PDK1: variants seen among roughly 807,000 people sequenced by gnomAD.
PDK1 encodes the protein pyruvate dehydrogenase kinase 1, also known as [Pyruvate dehydrogenase (acetyl-transferring)] kinase isozyme 1, mitochondrial.
In PDK1, 39 loss-of-function variants were observed where a neutral mutation model predicts 54.2. The observed-to-expected ratio is 0.72, with a 90% confidence interval of 0.56 to 0.94. The LOEUF (loss-of-function observed/expected upper bound fraction) is 0.94, where lower values mean the gene tolerates loss of function less well. PDK1 is among the 40% of genes least tolerant of loss of function. The pLI is 0.00. For synonymous variants in PDK1, 221 were observed against 207.1 expected (o/e 1.07, Z -0.58); for missense variants, 552 against 566.0 (o/e 0.98, Z 0.25).
intron 8 of PDK1, among the ~76,000 whole-genome samples, chr2:172,582,417 G>A (rs1458359634): frequency 6.6e-6 from 1 of 152,184 alleles, no homozygotes; most frequent in Non-Finnish European, 1.5e-5. Flanking sequence ...AACCTAGGGA[G>A]CCTAGTGTTA....
chr2:172,674,628 T>A, the PDK1 span: 2 of 152,328 alleles, frequency 1.3e-5, no homozygotes, highest in Non-Finnish European at 2.9e-5. Flanking sequence ...GCAGGTTCCT[T>A]TCCATCAGAA....
At chr2:172,682,721 G>A in the PDK1 span, among the ~76,000 whole-genome samples, 1 of 152,142 alleles carries the variant, frequency 6.6e-6, no homozygotes, top group Admixed American at 6.5e-5. Context: ...GAGATTTGGA[G>A]GTACTTTTGT....
the PDK1 span, among the ~76,000 whole-genome samples, chr2:172,623,619 C>A: frequency 6.6e-6 from 1 of 152,130 alleles, no homozygotes; most frequent in African/African-American, 2.4e-5. Context: ...TTTGCTAGGG[C>A]AGATTGTTTT....
At chr2:172,719,547 C>G in the PDK1 span, among the ~76,000 whole-genome samples, 1 of 152,120 alleles carries the variant, frequency 6.6e-6, no homozygotes, top group African/African-American at 2.4e-5. Context: ...TATTTGGTGT[C>G]ATACATAAGA....
At chr2:172,584,838 T>G (rs1276827208) in intron 8 of PDK1, among the ~76,000 whole-genome samples, 4 of 148,884 alleles carry the variant, frequency 2.7e-5, no homozygotes, top group Admixed American at 6.7e-5. Flanking sequence ...AAGTTTTTTT[T>G]TTTTTTTTTT....
At chr2:172,668,825 A>G in the PDK1 span, among the ~76,000 whole-genome samples, 2 of 147,512 alleles carry the variant, frequency 1.4e-5, no homozygotes, top group Admixed American at 1.4e-4. Flanking sequence ...ATATATATAC[A>G]CACATATGTA....
chr2:172,656,598 T>C, the PDK1 span, among the ~76,000 whole-genome samples: 7 of 152,306 alleles, frequency 4.6e-5, no homozygotes, highest in East Asian at 1.4e-3. Context: ...ACAAAGCCTC[T>C]AGTATATTGC....
At chr2:172,556,042 G>A, upstream of PDK1, 2 of 819,800 alleles carry the variant, frequency 2.4e-6, no homozygotes, top group Non-Finnish European at 3.4e-6. Flanking sequence ...GGCCGCGCCG[G>A]TGACAGCCGA....
At chr2:172,581,622 G>GCAT (rs139756689) in intron 8 of PDK1, among the ~76,000 whole-genome samples, 5,740 of 152,232 alleles carry the variant, frequency 0.038, 257 homozygotes, top group East Asian at 0.21. Flanking sequence ...TCACATGAAG[G>GCAT]CATCTCCTCT....
chr2:172,700,248 C>T, the PDK1 span, among the ~76,000 whole-genome samples: 3 of 152,276 alleles, frequency 2.0e-5, no homozygotes, highest in South Asian at 6.2e-4. Context: ...GTCATCATGG[C>T]CCGTTCTCAA....
chr2:172,570,009 T>C (rs1689158379), intron 7 of PDK1, among the ~76,000 whole-genome samples: 1 of 152,198 alleles, frequency 6.6e-6, no homozygotes, highest in African/African-American at 2.4e-5. Flanking sequence ...TGGAACCTAA[T>C]CTTAACCTGC....
chr2:172,583,281 GTTTTTTTTTTTTTTTTTT>G (rs1175087926), intron 8 of PDK1, among the ~76,000 whole-genome samples: 2 of 77,058 alleles, frequency 2.6e-5, no homozygotes, highest in African/African-American at 1.1e-4. Context: ...AAGTTTTCTG[GTTTTTTTTTTTTTTTTTT>G]TTTTTTTTTT....
chr2:172,639,168 G>A, the PDK1 span, among the ~76,000 whole-genome samples: 1 of 152,208 alleles, frequency 6.6e-6, no homozygotes, highest in Admixed American at 6.5e-5. Context: ...TTACAGGCAT[G>A]AGCCACCATG....
chr2:172,637,540 A>C, the PDK1 span, among the ~76,000 whole-genome samples: 1 of 152,152 alleles, frequency 6.6e-6, no homozygotes, highest in African/African-American at 2.4e-5. Context: ...ATAATCAATA[A>C]TTTTTGTTTT....
the PDK1 span, among the ~76,000 whole-genome samples, chr2:172,678,451 A>T: frequency 1.3e-5 from 2 of 152,160 alleles, no homozygotes; most frequent in Non-Finnish European, 2.9e-5. Flanking sequence ...AGAGAGTAAG[A>T]CAGGAGACTG....
intron 9 of PDK1, among the ~76,000 whole-genome samples, chr2:172,590,880 T>G (rs1052110009): frequency 1.3e-5 from 2 of 151,990 alleles, no homozygotes; most frequent in Non-Finnish European, 1.5e-5. Flanking sequence ...GTTCTCCAAG[T>G]CCCCACCCGA....
the PDK1 span, among the ~76,000 whole-genome samples, chr2:172,632,992 A>AAAAAAAAAAAC: frequency 6.7e-6 from 1 of 149,530 alleles, no homozygotes. Flanking sequence ...AAAAAAAAAA[A>AAAAAAAAAAAC]AGGAACATAG....
chr2:172,635,801 A>G, the PDK1 span, among the ~76,000 whole-genome samples: 2 of 152,148 alleles, frequency 1.3e-5, no homozygotes, highest in African/African-American at 2.4e-5. Context: ...CCAACCCAGT[A>G]TTTCCTCTTC....
At chr2:172,649,568 CAAA>C in the PDK1 span, among the ~76,000 whole-genome samples, 3 of 151,920 alleles carry the variant, frequency 2.0e-5, no homozygotes, top group African/African-American at 7.3e-5. Context: ...GAACCCATCA[CAAA>C]GAAGCTAAAA....
Sources: gnomAD v4.1 joint callset for allele counts (sites outside exome capture counted in the v4.1 genomes callset) on GRCh38, gnomAD v4.1.1 for gene constraint, MANE v1.5 for transcripts, NCBI Gene and HGNC (gene_info 2026-07-23, HGNC 2026-07-21) for gene names.